Variants in EGFLAM observed in about 807,000 individuals in gnomAD.
EGFLAM encodes the protein EGF like, fibronectin type III and laminin G domains.
EGFLAM carries 79 observed loss-of-function variants against 113.1 expected under a neutral mutation model. The observed-to-expected ratio is 0.70, with a 90% CI of 0.58 to 0.84. The LOEUF is 0.84. EGFLAM is among the 40% of genes least tolerant of loss of function. The pLI is 0.00. For synonymous variants in EGFLAM, 504 were observed against 487.6 expected, an observed-to-expected ratio of 1.03 and a Z score of -0.44; for missense variants, 1,265 against 1,291.6, an observed-to-expected ratio of 0.98 and a Z score of 0.32.
At chr5:38,324,408 G>A (rs1378298086) in intron 1 of EGFLAM, among the ~76,000 whole-genome samples, 1 of 152,162 alleles carries the variant, frequency 6.6e-6, no homozygotes, top group Non-Finnish European at 1.5e-5. Context: ...ATAATACAAT[G>A]TCTATATAAT....
intron 17 of EGFLAM, among the ~76,000 whole-genome samples, chr5:38,444,407 G>A (rs1441369008): frequency 6.6e-6 from 1 of 152,136 alleles, no homozygotes; most frequent in African/African-American, 2.4e-5. Context: ...AGCACTATAG[G>A]ATGACTATAG....
chr5:38,443,143 G>A (rs1469039721), intron 17 of EGFLAM, among the ~76,000 whole-genome samples: 2 of 152,160 alleles, frequency 1.3e-5, no homozygotes, highest in Non-Finnish European at 1.5e-5. Flanking sequence ...GTGCATGCCT[G>A]TAATCCCAGC....
chr5:38,461,882 C>T (rs951365033), intron 20 of EGFLAM, among the ~76,000 whole-genome samples: 20 of 151,810 alleles, frequency 1.3e-4, no homozygotes, highest in African/African-American at 4.6e-4. Context: ...TTCTGAGCCA[C>T]TGGCCGGGTG....
intron 6 of EGFLAM, among the ~76,000 whole-genome samples, chr5:38,392,761 G>T (rs1432825361): frequency 1.3e-5 from 2 of 152,064 alleles, no homozygotes; most frequent in Non-Finnish European, 2.9e-5. Flanking sequence ...GTATACATGT[G>T]CCATGTTGGT....
intron 1 of EGFLAM, among the ~76,000 whole-genome samples, chr5:38,272,854 AGTG>A (rs1305241426): frequency 5.9e-5 from 9 of 152,172 alleles, no homozygotes; most frequent in Admixed American, 2.0e-4. Flanking sequence ...ATTGTTTTGA[AGTG>A]GTGAAGTATT....
intron 6 of EGFLAM, among the ~76,000 whole-genome samples, chr5:38,375,060 G>GTTTTTTTTTTTTTT (rs74821426): frequency 9.3e-6 from 1 of 107,742 alleles, no homozygotes. Context: ...CTCTGTTGTT[G>GTTTTTTTTTTTTTT]TTTTTTTTTT....
chr5:38,321,747 G>A (rs372436635), intron 1 of EGFLAM, among the ~76,000 whole-genome samples: 3 of 152,192 alleles, frequency 2.0e-5, no homozygotes, highest in East Asian at 3.9e-4. Flanking sequence ...AGAATCCGTC[G>A]TGAGATCCAT....
chr5:38,312,535 T>C lies in EGFLAM; in HGVS notation c.98-24985T>C, dbSNP rs546544262. 1.7e-3 allele frequency among the ~76,000 whole-genome samples: 253 copies of C among 152,110 alleles called. 1 individual carries two copies. The highest frequency in any genetic ancestry group is 3.5e-3 in the South Asian group (17 of 4,802). ...GATTACAGGCGTGAGCCACCGCGCC[T>C]GGCCACCTCAGATTCTTATATGTAA... On this transcript the variant is annotated intron_variant, in intron 1 of 21. Coordinates refer to ENST00000322350, the MANE Select transcript of EGFLAM (RefSeq NM_152403.4).
intron 1 of EGFLAM, among the ~76,000 whole-genome samples, chr5:38,325,164 A>G (rs949345252): frequency 2.0e-5 from 3 of 152,198 alleles, no homozygotes; most frequent in African/African-American, 7.2e-5. Context: ...GAATCTGGGC[A>G]GAGTCACCAG....
intron 1 of EGFLAM, among the ~76,000 whole-genome samples, chr5:38,265,059 G>A (rs574629572): frequency 6.6e-6 from 1 of 152,350 alleles, no homozygotes; most frequent in South Asian, 2.1e-4. Context: ...GTCAAGGTCA[G>A]GAGTAAGTGT....
intron 4 of EGFLAM, among the ~76,000 whole-genome samples, chr5:38,351,096 G>A (rs1739610172): frequency 6.6e-6 from 1 of 151,378 alleles, no homozygotes; most frequent in Non-Finnish European, 1.5e-5. Flanking sequence ...ACAAATGAGT[G>A]ACAGCAGCAC....
chr5:38,411,447 C>T (rs1031440484), intron 10 of EGFLAM, among the ~76,000 whole-genome samples: 5 of 150,244 alleles, frequency 3.3e-5, no homozygotes, highest in Non-Finnish European at 7.4e-5. Flanking sequence ...GAAAAGAAAA[C>T]GGGAATGCGG....
Position 38,408,783 on chromosome 5 carries a change from G to A in EGFLAM, c.1249-221G>A, listed in dbSNP as rs571194806. 2.0e-4 allele frequency among the ~76,000 whole-genome samples: 31 copies of A among 152,286 alleles called. No individual in the cohort carries two copies. The South Asian group carries it at 5.2e-3, about 26-fold the overall frequency. On this transcript the variant is annotated intron_variant, in intron 9 of 21. Transcript: ENST00000322350. The stretch of plus-strand genomic sequence containing the variant: ...TCAAAGATGGGGTCACCTTGCTCTC[G>A]CCTCACTGCTACCCCTCAGTTTATA...
intron 12 of EGFLAM, among the ~76,000 whole-genome samples, chr5:38,421,156 C>T (rs1404594604): frequency 1.3e-5 from 2 of 152,180 alleles, no homozygotes; most frequent in East Asian, 1.9e-4. Flanking sequence ...TTTTTCTCTG[C>T]CTTCCCACTA....
At position 38,296,668 on chromosome 5, in the gene EGFLAM, TATTA is replaced by T. The variant is rs368157661; in HGVS notation, c.97+37822_97+37825del. On this transcript the variant is annotated intron_variant, in intron 1 of 21. Transcript: ENST00000322350. ...ACAGTAGTCTGCACCCAAATATATT[TATTA>T]ATTATAAAATATAATTTTTATAATT... is the stretch of plus-strand genomic sequence containing the variant. 3.1e-3 allele frequency among the ~76,000 whole-genome samples: 477 copies of T among 151,566 alleles called. 1 individual carries two copies. Among genetic ancestry groups the T allele is most frequent in the African/African-American group, 0.011 (459 of 41,442 alleles).
chr5:38,413,409 T>C (rs910373770), intron 11 of EGFLAM, among the ~76,000 whole-genome samples: 4 of 151,942 alleles, frequency 2.6e-5, no homozygotes, highest in African/African-American at 9.7e-5. Flanking sequence ...AAGACAGTCT[T>C]GAAAGGTTCA....
chr5:38,374,439 C>T (rs1740311017), intron 6 of EGFLAM, among the ~76,000 whole-genome samples: 2 of 151,750 alleles, frequency 1.3e-5, no homozygotes, highest in South Asian at 4.2e-4. Flanking sequence ...CCTAGGGGGT[C>T]GAAGTGAGGT....
At chr5:38,281,574 C>G (rs780785566) in intron 1 of EGFLAM, among the ~76,000 whole-genome samples, 2 of 152,150 alleles carry the variant, frequency 1.3e-5, no homozygotes, top group African/African-American at 4.8e-5. Context: ...TTTTCTCAGT[C>G]TCAATGCCTC....
intron 6 of EGFLAM, among the ~76,000 whole-genome samples, chr5:38,385,847 A>G (rs1478089892): frequency 6.6e-6 from 1 of 152,248 alleles, no homozygotes; most frequent in Non-Finnish European, 1.5e-5. Context: ...GAAATGCACC[A>G]TTAGGTGATT....
Sources: allele counts gnomAD v4.1 joint callset (sites outside exome capture counted in the v4.1 genomes callset), GRCh38; gene constraint gnomAD v4.1.1; transcripts MANE v1.5; gene names NCBI Gene and HGNC (gene_info 2026-07-23, HGNC 2026-07-21).